MLLT3: variants seen among roughly 807,000 people sequenced by gnomAD.
MLLT3 encodes protein AF-9.
MLLT3 carries 4 observed loss-of-function variants against 53.2 expected under a neutral mutation model. That is an observed-to-expected ratio of 0.08 (90% CI 0.04 to 0.17). The LOEUF is 0.17. Among genes scored for constraint, MLLT3 ranks in the 10% least tolerant of loss-of-function variants. MLLT3 has a pLI of 1.00. For missense variants in MLLT3, 569 were observed against 684.0 expected, an observed-to-expected ratio of 0.83 and a Z score of 1.87; for synonymous variants, 283 against 230.6, an observed-to-expected ratio of 1.23 and a Z score of -2.06.
At chr9:20,456,897 A>G in intron 2 of MLLT3, 111 bp from the exon 3 acceptor site, 1 of 735,032 alleles carries the variant, frequency 1.4e-6, no homozygotes, top group Non-Finnish European at 2.2e-6. Flanking sequence ...CAATTTTCAT[A>G]GCCCCTTGCC....
chr9:20,380,636 A>C (rs116405580), intron 5 of MLLT3, among the ~76,000 whole-genome samples: 220 of 152,142 alleles, frequency 1.4e-3, no homozygotes, highest in African/African-American at 5.0e-3. Context: ...CTTCCTATGT[A>C]GTAAAGGCTG....
rs1226601525 is a variant in MLLT3, at chr9:20,620,432, C to G, written c.193+222G>C. On this transcript the variant is annotated intron_variant, in intron 2 of 10. Coordinates refer to ENST00000380338, the MANE Select transcript of MLLT3 (RefSeq NM_004529.4). This position sits in a 1 kb window ranked among gnomAD's most constrained non-coding sequence, Gnocchi z 6.1. ...CTTGGGATGAATAAACACTCGACAC[C>G]TGACGGTCCTTTCTCTGCGGTGACT... is the stretch of plus-strand genomic sequence containing the variant. Among the ~76,000 whole-genome samples the G allele has an allele frequency of 6.6e-6, 1 of 151,590 alleles. No homozygotes were observed. The highest frequency in any genetic ancestry group is 2.0e-4 in the East Asian group (1 of 5,078).
At chr9:20,453,031 G>C (rs1823874933) in intron 3 of MLLT3, among the ~76,000 whole-genome samples, 1 of 152,094 alleles carries the variant, frequency 6.6e-6, no homozygotes, top group Non-Finnish European at 1.5e-5. Context: ...GCTCTTACAA[G>C]TTAAATTAGA....
chr9:20,506,079 C>CTTTT (rs367556007), intron 2 of MLLT3, among the ~76,000 whole-genome samples: 1 of 148,506 alleles, frequency 6.7e-6, no homozygotes, highest in Non-Finnish European at 1.5e-5. Flanking sequence ...TTTTTTCTCT[C>CTTTT]TTTTTTTTTT....
chr9:20,556,854 A>G (rs1047386503), intron 2 of MLLT3, among the ~76,000 whole-genome samples: 25 of 152,138 alleles, frequency 1.6e-4, no homozygotes, highest in African/African-American at 5.8e-4. Flanking sequence ...TAAGTATATT[A>G]TGTAAAAGGC....
chr9:20,387,566 G>A (rs1822070505), intron 5 of MLLT3, among the ~76,000 whole-genome samples: 1 of 152,142 alleles, frequency 6.6e-6, no homozygotes. Flanking sequence ...ATTTTATCCT[G>A]CAAAATAGCA....
intron 2 of MLLT3, among the ~76,000 whole-genome samples, chr9:20,479,019 T>C (rs1243899354): frequency 6.6e-6 from 1 of 152,124 alleles, no homozygotes; most frequent in African/African-American, 2.4e-5. Context: ...TTGAAGGCTC[T>C]CAATTAAAGA....
chr9:20,515,040 G>C (rs1253519914), intron 2 of MLLT3, among the ~76,000 whole-genome samples: 1 of 149,370 alleles, frequency 6.7e-6, no homozygotes, highest in Non-Finnish European at 1.5e-5. Flanking sequence ...TCTGCCTCCC[G>C]GGTTCAGGCG....
chr9:20,496,920 C>G (rs746610202), intron 2 of MLLT3, among the ~76,000 whole-genome samples: 4 of 152,204 alleles, frequency 2.6e-5, no homozygotes, highest in Non-Finnish European at 4.4e-5. Flanking sequence ...CTTTCTCAGA[C>G]TAAGTGGGGA....
Position 20,622,463 on chromosome 9 carries a change from C to T in MLLT3, c.-207G>A. On this transcript the variant is annotated 5_prime_UTR_variant, in exon 1 of 11. Transcript: ENST00000380338. ...AACTCAGCCCCAAAAGCAAAAGCAG[C>T]AGCAGCAGCAGCAGCTCCAGGGTAA... The T allele has an allele frequency of 1.9e-6, 1 of 537,102 alleles. No homozygotes were observed. Among genetic ancestry groups the T allele is most frequent in the Non-Finnish European group, 3.3e-6 (1 of 303,086 alleles). 33.3% of individuals were successfully genotyped at this position (537,102 alleles called of 1,614,324 possible). A position where few individuals can be genotyped will look rare whatever the true frequency, so the allele number is the denominator to read the frequency against.
intron 5 of MLLT3, chr9:20,411,886 CT>C (rs1022369943): frequency 1.3e-5 from 2 of 152,148 alleles, no homozygotes; most frequent in Admixed American, 1.3e-4. Flanking sequence ...GCCATTTGGT[CT>C]TCTCATAAAT....
intron 2 of MLLT3, among the ~76,000 whole-genome samples, chr9:20,573,493 T>G (rs1819583213): frequency 6.6e-6 from 1 of 152,184 alleles, no homozygotes; most frequent in African/African-American, 2.4e-5. Flanking sequence ...AGGAAGATTT[T>G]AAAAACCACT....
chr9:20,381,921 C>G (rs1203148957), intron 5 of MLLT3, among the ~76,000 whole-genome samples: 1 of 151,756 alleles, frequency 6.6e-6, no homozygotes, highest in African/African-American at 2.4e-5. Flanking sequence ...TAGCTTCTCT[C>G]AGAAAATAAG....
At chr9:20,421,109 C>G (rs957266262) in intron 4 of MLLT3, among the ~76,000 whole-genome samples, 5 of 151,702 alleles carry the variant, frequency 3.3e-5, no homozygotes, top group Non-Finnish European at 5.9e-5. Flanking sequence ...ACTAAAAATA[C>G]AAAAATTAGC....
chr9:20,392,277 C>T (rs1822204327), intron 5 of MLLT3, among the ~76,000 whole-genome samples: 1 of 152,170 alleles, frequency 6.6e-6, no homozygotes, highest in African/African-American at 2.4e-5. Context: ...CCAGAGATTG[C>T]CCTCTGAACT....
intron 2 of MLLT3, among the ~76,000 whole-genome samples, chr9:20,510,712 T>C (rs1825514123): frequency 6.6e-6 from 1 of 152,038 alleles, no homozygotes; most frequent in African/African-American, 2.4e-5. Flanking sequence ...TTTCATACAT[T>C]ACTTGGGAGA....
chr9:20,578,193 G>C (rs1247529966), intron 2 of MLLT3, among the ~76,000 whole-genome samples: 1 of 152,156 alleles, frequency 6.6e-6, no homozygotes, highest in Non-Finnish European at 1.5e-5. Flanking sequence ...TGCTGACCTT[G>C]ACTAAATAAG....
chr9:20,377,454 A>T lies in MLLT3; in HGVS notation c.1126-11710T>A, dbSNP rs976822688. On this transcript the variant is annotated intron_variant, in intron 5 of 10. Coordinates refer to ENST00000380338, the MANE Select transcript of MLLT3 (RefSeq NM_004529.4). ...TAAAGTATATTTGGGATTATAAAAAAGTATAAAGTAAATTAAATAGAATGA... is the reference window on the plus strand; with the variant it reads ...TAAAGTATATTTGGGATTATAAAAATGTATAAAGTAAATTAAATAGAATGA... Among the ~76,000 whole-genome samples the T allele has an allele frequency of 1.4e-4, 22 of 152,212 alleles. 1 individual carries two copies. Among genetic ancestry groups the T allele is most frequent in the African/African-American group, 5.3e-4 (22 of 41,468 alleles).
At chr9:20,593,379 G>A (rs1163839184) in intron 2 of MLLT3, among the ~76,000 whole-genome samples, 1 of 152,184 alleles carries the variant, frequency 6.6e-6, no homozygotes, top group East Asian at 1.9e-4. Flanking sequence ...GAAACCCGTT[G>A]TTGGGCTTAG....
Sources: gnomAD v4.1 joint callset for allele counts (sites outside exome capture counted in the v4.1 genomes callset) on GRCh38, gnomAD v4.1.1 for gene constraint, Gnocchi (gnomAD v3.1) non-coding constraint, MANE v1.5 for transcripts, NCBI Gene and HGNC (gene_info 2026-07-23, HGNC 2026-07-21) for gene names.